Variants in TESK2 observed in about 807,000 individuals in gnomAD.
TESK2 encodes the protein testis associated actin remodelling kinase 2.
A neutral mutation model predicts 57.1 loss-of-function variants in TESK2; 39 were observed. The ratio of observed to expected loss-of-function variants is 0.68; its 90% confidence interval spans 0.53 to 0.89. TESK2 has a LOEUF of 0.89. TESK2 is among the 40% of genes least tolerant of loss of function. TESK2 has a pLI of 0.00. For missense variants in TESK2, 646 were observed against 732.1 expected (o/e 0.88, Z 1.36); for synonymous variants, 249 against 267.9 (o/e 0.93, Z 0.69).
In TESK2 at chr1:45,478,095, T is replaced by G. The variant is rs929790127; in HGVS notation, c.-87+12757A>C. ...TTGACCCCTACCCACATCTCCAGCC[T>G]CATCTATGTCCATTCCTCTATCTGC... On this transcript the variant is annotated intron_variant, in intron 1 of 10. Transcript: ENST00000372086. 2.0e-5 allele frequency among the ~76,000 whole-genome samples: 3 copies of G among 152,232 alleles called. No homozygotes were observed. In the South Asian group the frequency reaches 6.2e-4, roughly 32 times the overall value.
intron 4 of TESK2, among the ~76,000 whole-genome samples, chr1:45,374,068 T>C (rs1030208013): frequency 3.3e-5 from 5 of 152,218 alleles, no homozygotes; most frequent in African/African-American, 1.2e-4. Flanking sequence ...AGGAGAAAGA[T>C]TAGCTAGAAA....
Position 45,456,575 on chromosome 1 carries a change from GT to G in TESK2, c.222+988del, listed in dbSNP as rs893469376. Reference sequence around the variant, plus strand: ...GAAATAACAGAGCCAAAATATTTGGGTTTTTTTTTTCCTTAAAAGAATTTTT... The same window carrying G: ...GAAATAACAGAGCCAAAATATTTGGGTTTTTTTTTCCTTAAAAGAATTTTT... On this transcript the variant is annotated intron_variant, in intron 2 of 10. Coordinates refer to ENST00000372086, the MANE Select transcript of TESK2 (RefSeq NM_007170.3). Among the ~76,000 whole-genome samples, 35 of 149,114 alleles carry G rather than the reference GT, an allele frequency of 2.3e-4. 1 individual carries two copies. Among genetic ancestry groups the G allele is most frequent in the South Asian group, 1.3e-3 (6 of 4,708 alleles).
chr1:45,433,772 T>C lies in TESK2; in HGVS notation c.223-11926A>G, dbSNP rs1372822387. On this transcript the variant is annotated intron_variant, in intron 2 of 10. Transcript: ENST00000372086. ...GAGATGCAAGTATCCCTTTGGTATATTGATTTCCCTTCCTTTGGATAAATA... is the reference window on the plus strand; with the variant it reads ...GAGATGCAAGTATCCCTTTGGTATACTGATTTCCCTTCCTTTGGATAAATA... Among the ~76,000 whole-genome samples the C allele has an allele frequency of 3.9e-5, 6 of 152,334 alleles. No homozygotes were observed. In the Middle Eastern group the frequency reaches 0.01, roughly 259 times the overall value.
chr1:45,386,137 G>T (rs1648883862), intron 3 of TESK2, among the ~76,000 whole-genome samples, 177 bp from the exon 4 acceptor site: 1 of 152,036 alleles, frequency 6.6e-6, no homozygotes, highest in Admixed American at 6.6e-5. Context: ...CTGAGGTCAG[G>T]AGTTCAAGAC....
chr1:45,424,295 G>T (rs1650598325), intron 2 of TESK2, among the ~76,000 whole-genome samples: 1 of 152,136 alleles, frequency 6.6e-6, no homozygotes, highest in Non-Finnish European at 1.5e-5. Flanking sequence ...GTTTCAGAGA[G>T]GCCAGGCAGA....
intron 4 of TESK2, among the ~76,000 whole-genome samples, chr1:45,364,057 G>A (rs959671382): frequency 6.6e-6 from 1 of 152,064 alleles, no homozygotes; most frequent in African/African-American, 2.4e-5. Flanking sequence ...CAGAAGTTCT[G>A]GAATACCAAG....
chr1:45,432,399 T>C (rs1402443075), intron 2 of TESK2, among the ~76,000 whole-genome samples: 1 of 151,698 alleles, frequency 6.6e-6, no homozygotes, highest in Non-Finnish European at 1.5e-5. Flanking sequence ...CTTAGAAATA[T>C]ACAATACATT....
At position 45,410,037 on chromosome 1, in the gene TESK2, T is replaced by C. The variant is rs577646617; in HGVS notation, c.344+11688A>G. 2.6e-5 allele frequency among the ~76,000 whole-genome samples: 4 copies of C among 152,080 alleles called. No homozygotes were observed. The South Asian group carries it at 8.3e-4, about 32-fold the overall frequency. The stretch of plus-strand genomic sequence containing the variant: ...AAAATTAGCTGGGTGTGGTGACACA[T>C]GCCTGTAATCCCAGCTACTCGGGAG... On this transcript the variant is annotated intron_variant, in intron 3 of 10. Coordinates refer to ENST00000372086, the MANE Select transcript of TESK2 (RefSeq NM_007170.3).
chr1:45,370,157 AGAG>A (rs1387000492), intron 4 of TESK2, among the ~76,000 whole-genome samples: 4 of 152,230 alleles, frequency 2.6e-5, no homozygotes, highest in African/African-American at 9.6e-5. Flanking sequence ...TTGTTAAAGA[AGAG>A]GAGAACTAGG....
At chr1:45,362,794 A>G (rs1647743950) in intron 4 of TESK2, among the ~76,000 whole-genome samples, 1 of 152,166 alleles carries the variant, frequency 6.6e-6, no homozygotes, top group Non-Finnish European at 1.5e-5. Context: ...AAAACCTACA[A>G]TGTGAAACAC....
At chr1:45,453,341 C>CAAAAAA (rs560016914) in intron 2 of TESK2, among the ~76,000 whole-genome samples, 3 of 53,138 alleles carry the variant, frequency 5.6e-5, no homozygotes, top group African/African-American at 5.6e-5. Context: ...GACCCTGTCT[C>CAAAAAA]AAAAAAAAAA....
chr1:45,483,780 T>C (rs1653336675), intron 1 of TESK2, among the ~76,000 whole-genome samples: 1 of 149,950 alleles, frequency 6.7e-6, no homozygotes, highest in South Asian at 2.1e-4. Context: ...GGAGGAGTGT[T>C]GATGCCCAGG....
chr1:45,434,457 A>ATT (rs33951621), intron 2 of TESK2, among the ~76,000 whole-genome samples: 2 of 144,028 alleles, frequency 1.4e-5, no homozygotes, highest in African/African-American at 5.1e-5. Context: ...ACATCCAGCT[A>ATT]TTTTTTTTTT....
chr1:45,390,289 G>C (rs1649081803), intron 3 of TESK2, among the ~76,000 whole-genome samples: 1 of 151,894 alleles, frequency 6.6e-6, no homozygotes. Context: ...AATAATAATT[G>C]TATTTTTTAT....
intron 3 of TESK2, among the ~76,000 whole-genome samples, chr1:45,405,258 T>A (rs1203151680): frequency 1.3e-5 from 2 of 152,138 alleles, no homozygotes; most frequent in East Asian, 3.8e-4. Context: ...CAAGTTGATA[T>A]CTCCTGATCT....
At position 45,345,009 on chromosome 1, in the gene TESK2, G is replaced by C; in HGVS notation, c.1547C>G (p.Ser516Cys). ...AAAACCATTTTCTTCCTGGAGAATG[G>C]AGCAGTCCATAGCCTCATGGGCTTG... The part of the protein sequence containing the change: ...AAQAHEAMDC[S>C]ILQEENGFGS... Residue 516 changes from serine (S) to cysteine (C), a missense_variant, in exon 11 of 11, where the codon TCC (serine) becomes TGC (cysteine). Coordinates refer to ENST00000372086, the MANE Select transcript of TESK2 (RefSeq NM_007170.3). 1.9e-6 allele frequency: 3 copies of C among 1,614,278 alleles called. No homozygotes were observed. Among genetic ancestry groups the C allele is most frequent in the Middle Eastern group, 1.6e-4 (1 of 6,062 alleles).
At chr1:45,366,276 C>T (rs1220015580) in intron 4 of TESK2, among the ~76,000 whole-genome samples, 2 of 152,086 alleles carry the variant, frequency 1.3e-5, no homozygotes, top group Non-Finnish European at 2.9e-5. Flanking sequence ...TTAGCAGAGA[C>T]GGAGTTTCAA....
At chr1:45,358,294 C>T (rs1251873529) in intron 4 of TESK2, among the ~76,000 whole-genome samples, 4 of 150,190 alleles carry the variant, frequency 2.7e-5, no homozygotes, top group African/African-American at 9.8e-5. Flanking sequence ...GCCTGGGCAA[C>T]AGAGCGAGAC....
intron 4 of TESK2, among the ~76,000 whole-genome samples, chr1:45,373,412 A>G (rs1648283309): frequency 6.6e-6 from 1 of 152,260 alleles, no homozygotes; most frequent in Non-Finnish European, 1.5e-5. Context: ...CATTCACTAT[A>G]TTAATACTTT....
Sources: allele counts gnomAD v4.1 joint callset (sites outside exome capture counted in the v4.1 genomes callset), GRCh38; gene constraint gnomAD v4.1.1; transcripts MANE v1.5; gene names NCBI Gene and HGNC (gene_info 2026-07-23, HGNC 2026-07-21).